TAS2R1: variants seen among roughly 807,000 people sequenced by gnomAD.
The protein encoded by TAS2R1 is taste 2 receptor member 1.
For synonymous variants in TAS2R1, 141 were observed against 134.2 expected (o/e 1.05, Z -0.35); for missense variants, 370 against 353.4 (o/e 1.05, Z -0.38).
At chr5:9,771,020 T>C in the TAS2R1 span, among the ~76,000 whole-genome samples, 2 of 152,232 alleles carry the variant, frequency 1.3e-5, no homozygotes, top group African/African-American at 4.8e-5. Flanking sequence ...AGTGTGAAGC[T>C]AGCTGTGCAT....
the TAS2R1 span, among the ~76,000 whole-genome samples, chr5:9,857,525 G>A: frequency 3.2e-4 from 49 of 152,232 alleles, no homozygotes; most frequent in African/African-American, 1.2e-3. Context: ...CATGGTTCAC[G>A]TTTACCTGTG....
chr5:9,653,362 T>C (rs1408222761), intron 2 of TAS2R1, among the ~76,000 whole-genome samples: 2 of 152,212 alleles, frequency 1.3e-5, no homozygotes, highest in Non-Finnish European at 2.9e-5. Context: ...TTTTTAAGGC[T>C]CAATAATGTT....
rs10681888 is a variant in TAS2R1 at position 9,681,531 on chromosome 5, C to CAAAAAAAAAAAAAAAAAAAAAAAAAAA, written c.-241-21951_-241-21950insTTTTTTTTTTTTTTTTTTTTTTTTTTT. Among the ~76,000 whole-genome samples the CAAAAAAAAAAAAAAAAAAAAAAAAAAA allele has an allele frequency of 2.7e-3, 237 of 87,848 alleles. 18 individuals are homozygous for CAAAAAAAAAAAAAAAAAAAAAAAAAAA. Among genetic ancestry groups the CAAAAAAAAAAAAAAAAAAAAAAAAAAA allele is most frequent in the Middle Eastern group, 7.8e-3 (1 of 128 alleles). 57.6% of individuals were successfully genotyped at this position (87,848 alleles called of 152,430 possible). ...TTTCAGGGGACTTCTCATGTTTCTG[C>CAAAAAAAAAAAAAAAAAAAAAAAAAAA]AAAAAAAAAAAAAAAAAAAGATGCC... On this transcript the variant is annotated intron_variant, in intron 1 of 2. Coordinates refer to the TAS2R1 transcript ENST00000506620.
At chr5:9,715,681 G>A (rs1308778697), upstream of TAS2R1, among the ~76,000 whole-genome samples, 1 of 152,162 alleles carries the variant, frequency 6.6e-6, no homozygotes, top group African/African-American at 2.4e-5. Context: ...GAGAAGGAAG[G>A]AGACCCCAAG....
At chr5:9,812,655 C>CT in the TAS2R1 span, among the ~76,000 whole-genome samples, 1 of 152,146 alleles carries the variant, frequency 6.6e-6, no homozygotes, top group African/African-American at 2.4e-5. Context: ...CCAAGCTCTC[C>CT]TGCCTACTCC....
At chr5:9,843,159 G>A in the TAS2R1 span, among the ~76,000 whole-genome samples, 2 of 152,122 alleles carry the variant, frequency 1.3e-5, no homozygotes, top group African/African-American at 4.8e-5. Context: ...CTCACAGAAT[G>A]TTGGCTCACC....
the TAS2R1 span, among the ~76,000 whole-genome samples, chr5:9,791,727 A>G: frequency 2.9e-4 from 44 of 152,120 alleles, no homozygotes; most frequent in African/African-American, 1.1e-3. Context: ...AAGAAGAAAA[A>G]TACTGATACC....
chr5:9,686,157 G>A (rs190915969), intron 1 of TAS2R1, among the ~76,000 whole-genome samples: 2 of 152,244 alleles, frequency 1.3e-5, no homozygotes, highest in East Asian at 1.9e-4. Context: ...GTGCCACCGC[G>A]CCTGACCTTG....
chr5:9,758,869 G>A, the TAS2R1 span, among the ~76,000 whole-genome samples: 285 of 152,194 alleles, frequency 1.9e-3, 6 homozygotes, highest in East Asian at 0.013. Context: ...ATTTTCAAAT[G>A]GTAAAATTAT....
At chr5:9,833,654 T>C in the TAS2R1 span, among the ~76,000 whole-genome samples, 5 of 152,164 alleles carry the variant, frequency 3.3e-5, no homozygotes, top group Admixed American at 3.3e-4. Flanking sequence ...AGAAAAATAC[T>C]TGTGTGGTAC....
chr5:9,684,413 G>A (rs543106440), intron 1 of TAS2R1, among the ~76,000 whole-genome samples: 95 of 152,300 alleles, frequency 6.2e-4, no homozygotes, highest in African/African-American at 2.1e-3. Context: ...GGGAGAAAAG[G>A]CGAGGTAGAT....
At chr5:9,891,550 G>A in the TAS2R1 span, among the ~76,000 whole-genome samples, 1 of 152,070 alleles carries the variant, frequency 6.6e-6, no homozygotes, top group African/African-American at 2.4e-5. Flanking sequence ...GGCTGGGGGA[G>A]GGCTCAGCAT....
chr5:9,781,341 C>T, the TAS2R1 span, among the ~76,000 whole-genome samples: 3 of 152,148 alleles, frequency 2.0e-5, no homozygotes, highest in Non-Finnish European at 2.9e-5. Context: ...CTGCTGGCTC[C>T]GACATCTCAC....
the TAS2R1 span, among the ~76,000 whole-genome samples, chr5:9,743,887 G>A: frequency 6.6e-6 from 1 of 152,036 alleles, no homozygotes; most frequent in African/African-American, 2.4e-5. Flanking sequence ...AATTATTAGT[G>A]TATTTTTATG....
At chr5:9,713,349 C>T (rs764767389), upstream of TAS2R1, 1 of 152,072 alleles carries the variant, frequency 6.6e-6, no homozygotes, top group African/African-American at 2.4e-5. Flanking sequence ...AGAATAAATG[C>T]TTTGTAATTT....
chr5:9,873,344 C>A, the TAS2R1 span, among the ~76,000 whole-genome samples: 5 of 152,062 alleles, frequency 3.3e-5, no homozygotes, highest in African/African-American at 9.6e-5. Flanking sequence ...GGTCTGATTT[C>A]TCCTGGCCCC....
At chr5:9,820,311 C>T in the TAS2R1 span, among the ~76,000 whole-genome samples, 1 of 152,158 alleles carries the variant, frequency 6.6e-6, no homozygotes. Context: ...CAAGAAGAAA[C>T]CCCTGCCATA....
At chr5:9,694,031 G>T (rs1741308620) in intron 1 of TAS2R1, among the ~76,000 whole-genome samples, 1 of 152,142 alleles carries the variant, frequency 6.6e-6, no homozygotes, top group Admixed American at 6.5e-5. Context: ...TTTCCCCTGA[G>T]AGATATCCAA....
chr5:9,875,003 A>G, the TAS2R1 span, among the ~76,000 whole-genome samples: 3 of 152,128 alleles, frequency 2.0e-5, no homozygotes, highest in South Asian at 2.1e-4. Context: ...GTGCTTAGGG[A>G]GCCCCCATAA....
Sources: gnomAD v4.1 joint callset for allele counts (sites outside exome capture counted in the v4.1 genomes callset) on GRCh38, gnomAD v4.1.1 for gene constraint, MANE v1.5 for transcripts, NCBI Gene and HGNC (gene_info 2026-07-23, HGNC 2026-07-21) for gene names.